DYNC2H1: variants seen among roughly 807,000 people sequenced by gnomAD.
The protein encoded by DYNC2H1 is dynein cytoplasmic 2 heavy chain 1, also known as cytoplasmic dynein 2 heavy chain 1.
Under a neutral mutation model 570.0 loss-of-function variants are expected in DYNC2H1, and 410 were observed. The observed-to-expected ratio is 0.72, with a 90% CI of 0.66 to 0.78. The LOEUF is 0.78. DYNC2H1 is among the 30% of genes least tolerant of loss of function. The probability of loss-of-function intolerance (pLI) is 0.00; values close to 1 mark genes in which losing one functional copy is unlikely to be tolerated. For synonymous variants in DYNC2H1, 1,688 were observed against 1,677.6 expected (o/e 1.01, Z -0.15); for missense variants, 4,865 against 5,046.4 (o/e 0.96, Z 1.09).
chr11:103,339,234 T>C (rs1939313807), intron 82 of DYNC2H1, among the ~76,000 whole-genome samples: 4 of 152,046 alleles, frequency 2.6e-5, no homozygotes, highest in Admixed American at 6.5e-5. Context: ...CCTGCAGTCC[T>C]GTGGTCGGCA....
chr11:103,354,184 A>AAC (rs1394315879), intron 82 of DYNC2H1, among the ~76,000 whole-genome samples: 2 of 150,098 alleles, frequency 1.3e-5, no homozygotes, highest in African/African-American at 4.9e-5. Flanking sequence ...CTCAAAACAA[A>AAC]AAAAAAAAAA....
chr11:103,307,287 TG>T (rs1205251247), intron 77 of DYNC2H1, among the ~76,000 whole-genome samples: 2 of 152,110 alleles, frequency 1.3e-5, no homozygotes, highest in Non-Finnish European at 2.9e-5. Context: ...TGTAGAAGCA[TG>T]AATTAAAGCA....
chr11:103,461,224 TC>T lies in DYNC2H1; in HGVS notation c.12648+4869del, dbSNP rs1249813712. 2.0e-5 allele frequency among the ~76,000 whole-genome samples: 3 copies of T among 152,208 alleles called. No individual in the cohort carries two copies. Among genetic ancestry groups the T allele is most frequent in the Admixed American group, 6.5e-5 (1 of 15,282 alleles). ...TTTAGGCTCCTTTTAATTATGTTTT[TC>T]AGCAGAGGGGATTGTTTCAATAGGA... On this transcript the variant is annotated intron_variant, in intron 87 of 88. Transcript: ENST00000375735. This position sits in a 1 kb window ranked among gnomAD's most constrained non-coding sequence, Gnocchi z 4.8.
Position 103,256,946 on chromosome 11 carries a change from C to T in DYNC2H1, c.10462-662C>T, listed in dbSNP as rs776561280. The stretch of plus-strand genomic sequence containing the variant: ...CTAGTGCTGTTGGTCCTCATTAAGA[C>T]CAATCTGTGAACCACTTCTAGCTCT... On this transcript the variant is annotated intron_variant, in intron 68 of 88. Transcript: ENST00000375735. The surrounding 1 kb of genome is among the most constrained non-coding windows in gnomAD (Gnocchi z 4.0). 6.6e-6 allele frequency among the ~76,000 whole-genome samples: 1 copy of T among 152,164 alleles called. No individual in the cohort carries two copies. Among genetic ancestry groups the T allele is most frequent in the Non-Finnish European group, 1.5e-5 (1 of 68,032 alleles).
chr11:103,422,933 A>G, intron 84 of DYNC2H1, among the ~76,000 whole-genome samples: 1 of 152,174 alleles, frequency 6.6e-6, no homozygotes, highest in Non-Finnish European at 1.5e-5. Context: ...TATATCTAGA[A>G]AACTCCATAA....
rs778801432 is a variant in DYNC2H1 at position 103,123,011 on chromosome 11, A to G, written c.1661+11A>G. The G allele has an allele frequency of 1.4e-6, 2 of 1,388,210 alleles. No homozygotes were observed. Among genetic ancestry groups the G allele is most frequent in the Non-Finnish European group, 1.9e-6 (2 of 1,057,232 alleles). The allele number at this position is 1,388,210 out of a possible 1,614,324, so 86.0% of individuals were successfully genotyped here. A position where few individuals can be genotyped will look rare whatever the true frequency, so the allele number is the denominator to read the frequency against. On this transcript the variant is annotated intron_variant, in intron 11 of 88. Transcript: ENST00000375735. The stretch of plus-strand genomic sequence containing the variant: ...CAGATCTGGTTTGTGGTAAGTATAG[A>G]TATATTAAACTGTAAAATCCAAAAC...
At chr11:103,303,388 A>T in intron 76 of DYNC2H1, 135 bp downstream of exon 76, 3 of 862,444 alleles carry the variant, frequency 3.5e-6, no homozygotes, top group Non-Finnish European at 4.9e-6. Context: ...TAATCCTCAG[A>T]ACTGTGGATA....
intron 52 of DYNC2H1, among the ~76,000 whole-genome samples, chr11:103,207,318 A>G (rs1036242486): frequency 2.0e-5 from 3 of 150,708 alleles, no homozygotes; most frequent in African/African-American, 7.3e-5. Context: ...AAAATATGTG[A>G]TGCAAAACAG....
intron 55 of DYNC2H1, among the ~76,000 whole-genome samples, chr11:103,219,231 GAAA>G (rs920224420): frequency 6.7e-6 from 1 of 149,864 alleles, no homozygotes. Flanking sequence ...AGAAAAAAAG[GAAA>G]AAAAAACTCA....
chr11:103,359,503 T>C (rs1260925633), intron 83 of DYNC2H1, among the ~76,000 whole-genome samples: 1 of 152,130 alleles, frequency 6.6e-6, no homozygotes, highest in Non-Finnish European at 1.5e-5. Context: ...CATACCTTCT[T>C]TGTAATTCTG....
At chr11:103,281,970 AATT>A (rs558348420) in intron 71 of DYNC2H1, among the ~76,000 whole-genome samples, 238 of 152,144 alleles carry the variant, frequency 1.6e-3, no homozygotes, top group African/African-American at 5.6e-3. Flanking sequence ...GTTTTAATAA[AATT>A]ATTCTTAGTA....
At chr11:103,295,942 T>G (rs1866804989) in intron 75 of DYNC2H1, among the ~76,000 whole-genome samples, 1 of 152,174 alleles carries the variant, frequency 6.6e-6, no homozygotes, top group Non-Finnish European at 1.5e-5. Context: ...CTCCGAGGTC[T>G]CTCTGGTCCT....
At chr11:103,432,958 A>G (rs2135745926) in intron 84 of DYNC2H1, among the ~76,000 whole-genome samples, 1 of 152,268 alleles carries the variant, frequency 6.6e-6, no homozygotes, top group African/African-American at 2.4e-5. Flanking sequence ...GCATAGCTTA[A>G]TAGCTACCTC....
intron 18 of DYNC2H1, among the ~76,000 whole-genome samples, chr11:103,143,720 A>G (rs1282448853): frequency 6.6e-6 from 1 of 152,140 alleles, no homozygotes; most frequent in Admixed American, 6.5e-5. Flanking sequence ...CATACTAGAC[A>G]ATATAAAGCT....
chr11:103,293,876 A>G (rs1001551600), intron 75 of DYNC2H1, among the ~76,000 whole-genome samples: 1 of 152,036 alleles, frequency 6.6e-6, no homozygotes, highest in African/African-American at 2.4e-5. Context: ...CAGGAATTCA[A>G]CACCAGCCTG....
At chr11:103,242,024 A>G (rs779586768) in intron 63 of DYNC2H1, among the ~76,000 whole-genome samples, 1 of 151,942 alleles carries the variant, frequency 6.6e-6, no homozygotes, top group Non-Finnish European at 1.5e-5. Flanking sequence ...GATAACCTGT[A>G]TGTTCTTATT....
chr11:103,370,876 A>G (rs1281036062), intron 83 of DYNC2H1, among the ~76,000 whole-genome samples: 1 of 152,144 alleles, frequency 6.6e-6, no homozygotes, highest in Non-Finnish European at 1.5e-5. Context: ...TGAGAAAACT[A>G]CAATAAATAA....
At chr11:103,433,333 A>C (rs1361717407) in intron 84 of DYNC2H1, among the ~76,000 whole-genome samples, 2 of 152,130 alleles carry the variant, frequency 1.3e-5, no homozygotes, top group South Asian at 2.1e-4. Flanking sequence ...AATGACTTAA[A>C]CATCTATTGA....
At chr11:103,409,709 T>C (rs1008008437) in intron 84 of DYNC2H1, 1 of 154,842 alleles carries the variant, frequency 6.5e-6, no homozygotes, top group African/African-American at 2.4e-5. Context: ...CTCGGTAGGT[T>C]TGTCACTGCT....
Sources: gnomAD v4.1 joint callset for allele counts (sites outside exome capture counted in the v4.1 genomes callset) on GRCh38, gnomAD v4.1.1 for gene constraint, Gnocchi (gnomAD v3.1) non-coding constraint, MANE v1.5 for transcripts, NCBI Gene and HGNC (gene_info 2026-07-23, HGNC 2026-07-21) for gene names.